The following ASIC2 variants were observed in gnomAD, a reference collection of about 807,000 sequenced individuals.
ASIC2 encodes the protein acid-sensing ion channel 2.
A neutral mutation model predicts 57.3 loss-of-function variants in ASIC2; 25 were observed. That is an observed-to-expected ratio of 0.44 (90% CI 0.32 to 0.61). ASIC2 has a LOEUF of 0.61. Ranked by LOEUF, ASIC2 falls within the 20% of genes least tolerant of loss-of-function variation. The pLI is 0.06. For missense variants in ASIC2, 641 were observed against 738.1 expected, an observed-to-expected ratio of 0.87 and a Z score of 1.52; for synonymous variants, 319 against 307.5, an observed-to-expected ratio of 1.04 and a Z score of -0.39.
chr17:33,023,850 A>G lies in ASIC2; in HGVS notation c.1349+11T>C, dbSNP rs764562766. On this transcript the variant is annotated intron_variant, in intron 6 of 9. Coordinates refer to ENST00000225823, the MANE Select transcript of ASIC2 (RefSeq NM_183377.2). ...CCCCTTCCCCCTGCCTACCATGCCC[A>G]CTAAACTTACGAGATATATTTTTCT... The G allele has an allele frequency of 1.2e-6, 2 of 1,613,920 alleles. No individual in the cohort carries two copies. The highest frequency in any genetic ancestry group is 2.7e-5 in the African/African-American group (2 of 74,884).
intron 1 of ASIC2, among the ~76,000 whole-genome samples, chr17:33,898,978 C>T (rs189899348): frequency 1.5e-4 from 23 of 152,202 alleles, no homozygotes; most frequent in African/African-American, 4.3e-4. Flanking sequence ...GGCTGTTGCC[C>T]GCTTGCCAAA....
At chr17:33,238,033 C>T (rs1224132785) in intron 1 of ASIC2, among the ~76,000 whole-genome samples, 6 of 152,170 alleles carry the variant, frequency 3.9e-5, no homozygotes, top group Non-Finnish European at 7.4e-5. Context: ...GATTCAAACC[C>T]GGTAGGCCTG....
At chr17:33,623,775 T>G (rs1361591226) in intron 1 of ASIC2, among the ~76,000 whole-genome samples, 1 of 152,148 alleles carries the variant, frequency 6.6e-6, no homozygotes, top group Admixed American at 6.5e-5. Context: ...ACTACATTTT[T>G]TCTTCTTTTT....
intron 1 of ASIC2, among the ~76,000 whole-genome samples, chr17:33,621,211 A>AACTATATATATATATATAACTATATAT (rs1905782574): frequency 6.6e-6 from 1 of 152,208 alleles, no homozygotes; most frequent in Non-Finnish European, 1.5e-5. Context: ...TTATGAGAGT[A>AACTATATATATATATATAACTATATAT]ATATAACTAT....
chr17:33,813,638 G>A (rs574800213), intron 1 of ASIC2, among the ~76,000 whole-genome samples: 28 of 152,228 alleles, frequency 1.8e-4, no homozygotes, highest in African/African-American at 4.3e-4. Flanking sequence ...GGGTTTCACC[G>A]TGTTAGCCAG....
chr17:33,862,883 G>A (rs943351511), intron 1 of ASIC2, among the ~76,000 whole-genome samples: 3 of 152,206 alleles, frequency 2.0e-5, no homozygotes, highest in Non-Finnish European at 2.9e-5. Context: ...AAGACTTGGT[G>A]AAGACCAGTG....
chr17:33,746,780 C>T (rs1457984437), intron 1 of ASIC2, among the ~76,000 whole-genome samples: 5 of 152,046 alleles, frequency 3.3e-5, no homozygotes, highest in African/African-American at 1.2e-4. Flanking sequence ...TTTTTCTCAA[C>T]GTTTTCTCAT....
At chr17:33,799,454 C>A (rs1250525911) in intron 1 of ASIC2, among the ~76,000 whole-genome samples, 3 of 89,082 alleles carry the variant, frequency 3.4e-5, no homozygotes, top group African/African-American at 1.2e-4. Context: ...TTCTTTCTTT[C>A]TTTCTTTCTT....
intron 1 of ASIC2, among the ~76,000 whole-genome samples, chr17:33,330,158 T>G (rs1008656989): frequency 1.3e-5 from 2 of 152,334 alleles, no homozygotes; most frequent in Middle Eastern, 3.4e-3. Context: ...CATACTCTCC[T>G]GCTGCTGAAG....
intron 1 of ASIC2, among the ~76,000 whole-genome samples, chr17:34,078,739 G>A (rs1006845041): frequency 1.2e-4 from 19 of 152,148 alleles, no homozygotes; most frequent in Non-Finnish European, 2.4e-4. Context: ...AGATTTCCCA[G>A]GGGCGGTCTC....
intron 1 of ASIC2, among the ~76,000 whole-genome samples, chr17:33,982,765 C>T (rs1176543903): frequency 1.3e-5 from 2 of 152,164 alleles, no homozygotes; most frequent in African/African-American, 2.4e-5. Flanking sequence ...CAGACATACT[C>T]GTGACAAAAT....
At chr17:34,100,189 T>G (rs1266876356) in intron 1 of ASIC2, among the ~76,000 whole-genome samples, 2 of 151,086 alleles carry the variant, frequency 1.3e-5, no homozygotes, top group African/African-American at 4.9e-5. Flanking sequence ...TTCTTGTTTT[T>G]TTTTTTTTTT....
chr17:33,033,663 A>G (rs1476960754), intron 3 of ASIC2, among the ~76,000 whole-genome samples: 39 of 152,318 alleles, frequency 2.6e-4, no homozygotes, highest in African/African-American at 9.4e-4. Flanking sequence ...CATGAATGAC[A>G]GCAGGAGGCA....
intron 1 of ASIC2, among the ~76,000 whole-genome samples, chr17:33,819,682 G>A (rs1039568212): frequency 9.2e-5 from 14 of 152,206 alleles, no homozygotes; most frequent in African/African-American, 3.4e-4. Flanking sequence ...CGGCAGAGTT[G>A]CAACAGTGCA....
At chr17:33,762,353 G>T (rs1276110977) in intron 1 of ASIC2, among the ~76,000 whole-genome samples, 3 of 152,180 alleles carry the variant, frequency 2.0e-5, no homozygotes, top group Non-Finnish European at 4.4e-5. Context: ...ATGGGGAGAA[G>T]AATTTGAATA....
At chr17:33,975,264 T>G (rs547625035) in intron 1 of ASIC2, among the ~76,000 whole-genome samples, 10 of 152,298 alleles carry the variant, frequency 6.6e-5, no homozygotes, top group African/African-American at 2.4e-4. Flanking sequence ...TGGCAAAGCC[T>G]GAACAGAAGC....
At chr17:33,855,703 C>T (rs1913908228) in intron 1 of ASIC2, among the ~76,000 whole-genome samples, 1 of 151,940 alleles carries the variant, frequency 6.6e-6, no homozygotes, top group African/African-American at 2.4e-5. Context: ...GAGGGTGGTG[C>T]TATGTGTTTC....
At chr17:33,650,327 G>T (rs1187322619) in intron 1 of ASIC2, among the ~76,000 whole-genome samples, 1 of 152,102 alleles carries the variant, frequency 6.6e-6, no homozygotes, top group Non-Finnish European at 1.5e-5. Flanking sequence ...AAAAGAGTGA[G>T]AACTCCAAAT....
intron 1 of ASIC2, among the ~76,000 whole-genome samples, chr17:33,946,857 T>A (rs1007557755): frequency 2.0e-5 from 3 of 152,094 alleles, no homozygotes; most frequent in African/African-American, 7.2e-5. Context: ...AGATTTGAAC[T>A]AAGATTGGGG....
Sources: allele counts gnomAD v4.1 joint callset (sites outside exome capture counted in the v4.1 genomes callset), GRCh38; gene constraint gnomAD v4.1.1; transcripts MANE v1.5; gene names NCBI Gene and HGNC (gene_info 2026-07-23, HGNC 2026-07-21).